Variants in CHL1 observed in about 807,000 individuals in gnomAD.
CHL1 encodes neural cell adhesion molecule L1-like protein.
In CHL1, 96 loss-of-function variants were observed where a neutral mutation model predicts 141.9. That is an observed-to-expected ratio of 0.68 (90% CI 0.57 to 0.80). The LOEUF is 0.80. Ranked by LOEUF, CHL1 falls within the 30% of genes least tolerant of loss-of-function variation. CHL1 has a pLI of 0.00. For synonymous variants in CHL1, 613 were observed against 502.2 expected (o/e 1.22, Z -2.95); for missense variants, 1,820 against 1,457.2 (o/e 1.25, Z -4.05).
intron 15 of CHL1, among the ~76,000 whole-genome samples, chr3:370,591 A>T (rs1016578974): frequency 1.4e-5 from 2 of 146,002 alleles, no homozygotes; most frequent in Admixed American, 1.4e-4. Flanking sequence ...GGTTTTTCAT[A>T]TCTCTGTCTC....
At chr3:347,342 C>G (rs975684681) in intron 9 of CHL1, among the ~76,000 whole-genome samples, 2 of 151,858 alleles carry the variant, frequency 1.3e-5, no homozygotes, top group African/African-American at 2.4e-5. Context: ...TATATTTTCC[C>G]TCAAAACACA....
intron 4 of CHL1, among the ~76,000 whole-genome samples, chr3:326,897 G>T (rs1701060853): frequency 6.6e-6 from 1 of 151,698 alleles, no homozygotes; most frequent in Admixed American, 6.6e-5. Context: ...ATAATCATTA[G>T]TGACCCATTA....
intron 15 of CHL1, chr3:373,469 G>C (rs914564739): frequency 1.3e-5 from 2 of 152,578 alleles, no homozygotes; most frequent in African/African-American, 2.4e-5. Flanking sequence ...CAGCCTCCCT[G>C]GCTCCAGCAG....
intron 3 of CHL1, among the ~76,000 whole-genome samples, chr3:324,143 C>T (rs1700817073): frequency 1.4e-5 from 2 of 145,996 alleles, no homozygotes; most frequent in African/African-American, 2.7e-5. Context: ...GAGACCAACA[C>T]GTTGAGAACA....
At chr3:337,880 A>G (rs538587335) in intron 5 of CHL1, among the ~76,000 whole-genome samples, 16 of 152,290 alleles carry the variant, frequency 1.1e-4, no homozygotes, top group East Asian at 1.9e-4. Flanking sequence ...TCCTTTGGGT[A>G]TATACCCAGT....
intron 1 of CHL1, among the ~76,000 whole-genome samples, chr3:229,648 A>G (rs1247677113): frequency 6.6e-6 from 1 of 152,172 alleles, no homozygotes; most frequent in Non-Finnish European, 1.5e-5. Context: ...GCTTAGTTCA[A>G]TACTCAGCTA....
intron 2 of CHL1, among the ~76,000 whole-genome samples, chr3:251,141 T>A (rs79687523): frequency 0.072 from 10,962 of 151,890 alleles, 826 homozygotes; most frequent in African/African-American, 0.2. Flanking sequence ...CTGATCAGAG[T>A]TGAGAAGTAA....
chr3:399,680 G>T (rs1025984526), intron 26 of CHL1, among the ~76,000 whole-genome samples: 1 of 152,134 alleles, frequency 6.6e-6, no homozygotes, highest in Non-Finnish European at 1.5e-5. Context: ...TAACAAGGTT[G>T]ATAACACTTC....
intron 2 of CHL1, among the ~76,000 whole-genome samples, chr3:298,003 G>C (rs1698357780): frequency 1.3e-5 from 2 of 152,160 alleles, no homozygotes. Flanking sequence ...TGGTCATCTT[G>C]ATAATCATTT....
intron 5 of CHL1, among the ~76,000 whole-genome samples, chr3:337,100 G>A (rs185816703): frequency 1.8e-4 from 28 of 152,138 alleles, no homozygotes; most frequent in African/African-American, 6.5e-4. Context: ...CTTTGCTGAT[G>A]CAAATGGATT....
chr3:240,652 G>C (rs181733384), intron 1 of CHL1, among the ~76,000 whole-genome samples: 1 of 152,168 alleles, frequency 6.6e-6, no homozygotes, highest in East Asian at 1.9e-4. Flanking sequence ...TGAATTCTTG[G>C]TCTTGAAGCC....
chr3:281,027 T>G lies in CHL1; in HGVS notation c.-95+36335T>G, dbSNP rs146052439. 6.8e-3 allele frequency among the ~76,000 whole-genome samples: 1,042 copies of G among 152,236 alleles called. 11 individuals are homozygous for G. Among genetic ancestry groups the G allele is most frequent in the African/African-American group, 0.024 (983 of 41,530 alleles). ...CCCAACTGGGGTTATTTTTTTCCCCTAGGGGACATCTGACAATGTCTAGAT... is the reference window on the plus strand; with the variant it reads ...CCCAACTGGGGTTATTTTTTTCCCCGAGGGGACATCTGACAATGTCTAGAT... On this transcript the variant is annotated intron_variant, in intron 2 of 27. Transcript: ENST00000256509.
Position 394,867 on chromosome 3 carries a change from A to G in CHL1, c.3089A>G (p.Glu1030Gly). ...PITEESSTLGEGSKGIGKISG... is the reference protein window; with the variant it reads ...PITEESSTLGGGSKGIGKISG... ...ACGGAGGAAAGCTCCACCTTAGGAG[A>G]AGGGAGTAAGTACATGAGGCTTCTC... is the stretch of plus-strand genomic sequence containing the variant. Residue 1030 changes from glutamate (E) to glycine (G), a missense_variant, in exon 24 of 28, where the codon GAA becomes GGA. Physicochemically the swap from Glu to Gly is moderately conservative, Grantham distance 98. Coordinates refer to ENST00000256509, the MANE Select transcript of CHL1 (RefSeq NM_006614.4). 6.2e-6 allele frequency: 10 copies of G among 1,609,802 alleles called. No homozygotes were observed. The highest frequency in any genetic ancestry group is 8.5e-6 in the Non-Finnish European group (10 of 1,178,692).
chr3:208,056 G>A (rs148257307), intron 1 of CHL1, among the ~76,000 whole-genome samples: 197 of 152,240 alleles, frequency 1.3e-3, no homozygotes, highest in African/African-American at 4.4e-3. Context: ...TGAGTGGTTT[G>A]GATCAGAAAT....
At chr3:278,298 A>G (rs1300858410) in intron 2 of CHL1, among the ~76,000 whole-genome samples, 1 of 152,202 alleles carries the variant, frequency 6.6e-6, no homozygotes, top group African/African-American at 2.4e-5. Flanking sequence ...CTTGTGGCCC[A>G]TAGGAGATCC....
chr3:322,251 C>G (rs1221514520), intron 3 of CHL1, among the ~76,000 whole-genome samples: 1 of 151,800 alleles, frequency 6.6e-6, no homozygotes, highest in Non-Finnish European at 1.5e-5. Flanking sequence ...GAGCTAATAT[C>G]CATAACCTGG....
At chr3:378,007 T>C in intron 16 of CHL1, 65 bp downstream of exon 16, 5 of 1,420,368 alleles carry the variant, frequency 3.5e-6, no homozygotes, top group Non-Finnish European at 4.7e-6. Flanking sequence ...CCATCGTTCC[T>C]GGCCAATAAA....
intron 14 of CHL1, among the ~76,000 whole-genome samples, chr3:364,529 T>G (rs1704625496): frequency 6.6e-6 from 1 of 152,206 alleles, no homozygotes; most frequent in Non-Finnish European, 1.5e-5. Context: ...ACCTCAAAAC[T>G]GCTAGTGGCC....
At chr3:294,757 G>A (rs986884635) in intron 2 of CHL1, among the ~76,000 whole-genome samples, 3 of 152,092 alleles carry the variant, frequency 2.0e-5, no homozygotes, top group African/African-American at 7.2e-5. Context: ...ACATCCCAGG[G>A]TAGAATACCT....
Sources: allele counts gnomAD v4.1 joint callset (sites outside exome capture counted in the v4.1 genomes callset), GRCh38; gene constraint gnomAD v4.1.1; transcripts MANE v1.5; gene names NCBI Gene and HGNC (gene_info 2026-07-23, HGNC 2026-07-21).